The following ASTN2 variants were observed in gnomAD, a reference collection of about 807,000 sequenced individuals.
ASTN2 encodes astrotactin-2.
A neutral mutation model predicts 139.8 loss-of-function variants in ASTN2; 54 were observed. That is an observed-to-expected ratio of 0.39 (90% CI 0.31 to 0.48). The LOEUF is 0.48. Among genes scored for constraint, ASTN2 ranks in the 20% least tolerant of loss-of-function variants. The pLI is 0.95. For synonymous variants in ASTN2, 756 were observed against 719.5 expected (o/e 1.05, Z -0.81); for missense variants, 1,565 against 1,725.1 (o/e 0.91, Z 1.64).
chr9:116,512,409 G>A (rs1850432719), intron 19 of ASTN2, among the ~76,000 whole-genome samples: 1 of 152,162 alleles, frequency 6.6e-6, no homozygotes, highest in Non-Finnish European at 1.5e-5. Context: ...GCTGAGGAAT[G>A]CTTTACTTCC....
At position 117,406,121 on chromosome 9, in the gene ASTN2, G is replaced by A. The variant is rs150791596; in HGVS notation, c.442+8376C>T. ...CTCCTGTACACCTACAATGTGCCAA[G>A]TAAAGGGTGAGTCACCACAGCCCCA... On this transcript the variant is annotated intron_variant, in intron 1 of 22. Coordinates refer to ENST00000313400, the MANE Select transcript of ASTN2 (RefSeq NM_001365068.1). Among the ~76,000 whole-genome samples the A allele has an allele frequency of 3.1e-4, 47 of 152,284 alleles. No homozygotes were observed. The East Asian group carries it at 8.7e-3, about 28-fold the overall frequency.
At chr9:116,553,743 C>G (rs1196383053) in intron 19 of ASTN2, among the ~76,000 whole-genome samples, 2 of 152,150 alleles carry the variant, frequency 1.3e-5, no homozygotes, top group East Asian at 3.9e-4. Flanking sequence ...AGCCACATTG[C>G]CAGTACTCAA....
At chr9:116,967,927 C>A (rs975833793) in intron 10 of ASTN2, among the ~76,000 whole-genome samples, 4 of 152,202 alleles carry the variant, frequency 2.6e-5, no homozygotes, top group African/African-American at 9.7e-5. Context: ...CGCTCTGAAC[C>A]ATGAACTACA....
intron 19 of ASTN2, among the ~76,000 whole-genome samples, chr9:116,600,454 T>C (rs926816509): frequency 2.0e-5 from 3 of 151,856 alleles, no homozygotes; most frequent in African/African-American, 2.4e-5. Context: ...CAGTGAGCAA[T>C]AGAGAAATGT....
At chr9:117,134,596 C>T (rs1284348444) in intron 4 of ASTN2, among the ~76,000 whole-genome samples, 2 of 152,028 alleles carry the variant, frequency 1.3e-5, no homozygotes, top group African/African-American at 2.4e-5. Flanking sequence ...AGCTTCATCC[C>T]TATGTGTATT....
At chr9:116,948,793 T>TTTG (rs1472081852) in intron 10 of ASTN2, among the ~76,000 whole-genome samples, 6 of 117,492 alleles carry the variant, frequency 5.1e-5, no homozygotes, top group Admixed American at 1.7e-4. Context: ...GTGTTTTTTT[T>TTTG]TTTTTTTTTT....
At chr9:116,871,108 A>G (rs1318256292) in intron 10 of ASTN2, among the ~76,000 whole-genome samples, 1 of 152,078 alleles carries the variant, frequency 6.6e-6, no homozygotes, top group East Asian at 1.9e-4. Flanking sequence ...AATACAAAAA[A>G]TTAGCTGGGT....
intron 10 of ASTN2, among the ~76,000 whole-genome samples, chr9:116,947,140 G>C (rs1835422231): frequency 6.6e-6 from 1 of 152,048 alleles, no homozygotes; most frequent in East Asian, 1.9e-4. Flanking sequence ...ACTTGAAAAT[G>C]GTTTTAGAAT....
At chr9:117,218,725 G>T (rs558850520) in intron 2 of ASTN2, among the ~76,000 whole-genome samples, 5 of 152,238 alleles carry the variant, frequency 3.3e-5, no homozygotes, top group Admixed American at 6.5e-5. Flanking sequence ...TCAGTAAATC[G>T]GAGTTGGCCA....
At chr9:117,188,928 T>G (rs2132963363) in intron 3 of ASTN2, among the ~76,000 whole-genome samples, 1 of 152,234 alleles carries the variant, frequency 6.6e-6, no homozygotes, top group South Asian at 2.1e-4. Flanking sequence ...TACATCTACC[T>G]GAGCATCAGT....
intron 1 of ASTN2, among the ~76,000 whole-genome samples, chr9:117,404,248 G>T (rs1384127235): frequency 6.6e-6 from 1 of 152,198 alleles, no homozygotes; most frequent in Non-Finnish European, 1.5e-5. Context: ...GTAAGCAGAG[G>T]CTCAGAGAAG....
intron 19 of ASTN2, chr9:116,612,312 A>C (rs1475030230): frequency 1.2e-4 from 19 of 152,180 alleles, no homozygotes; most frequent in Admixed American, 1.0e-3. Flanking sequence ...AGATAGATCA[A>C]TGAGACAGAA....
chr9:116,465,033 G>A (rs925438104), intron 20 of ASTN2, among the ~76,000 whole-genome samples: 4 of 152,162 alleles, frequency 2.6e-5, no homozygotes, highest in Non-Finnish European at 4.4e-5. Flanking sequence ...ATATGGACCC[G>A]GCTCTGTGCT....
intron 6 of ASTN2, among the ~76,000 whole-genome samples, chr9:117,032,218 A>T (rs891595520): frequency 1.3e-5 from 2 of 152,170 alleles, no homozygotes; most frequent in African/African-American, 4.8e-5. Context: ...AAACTAAGTT[A>T]TGCCTTAGAG....
intron 19 of ASTN2, among the ~76,000 whole-genome samples, chr9:116,606,490 G>T (rs570506304): frequency 5.3e-5 from 8 of 152,168 alleles, no homozygotes; most frequent in African/African-American, 1.9e-4. Context: ...GCACATGCAC[G>T]CATGAGCTCG....
chr9:117,306,610 G>C (rs1266146451), intron 1 of ASTN2, among the ~76,000 whole-genome samples: 2 of 152,144 alleles, frequency 1.3e-5, no homozygotes, highest in Non-Finnish European at 2.9e-5. Flanking sequence ...AAGATGCTTT[G>C]ATCTCACACT....
At chr9:117,255,623 C>T (rs1162150892) in intron 2 of ASTN2, among the ~76,000 whole-genome samples, 1 of 152,132 alleles carries the variant, frequency 6.6e-6, no homozygotes, top group African/African-American at 2.4e-5. Flanking sequence ...GAGTCTTCCC[C>T]CCATCCCTCA....
intron 2 of ASTN2, among the ~76,000 whole-genome samples, chr9:117,282,194 G>A (rs144066160): frequency 3.6e-4 from 54 of 151,742 alleles, no homozygotes; most frequent in East Asian, 3.9e-4. Context: ...ATTTCTCTCC[G>A]TCTCTAGTAA....
chr9:117,253,633 A>G (rs1387656449), intron 2 of ASTN2, among the ~76,000 whole-genome samples: 1 of 152,192 alleles, frequency 6.6e-6, no homozygotes, highest in African/African-American at 2.4e-5. Context: ...TAAAACAAGC[A>G]GGGATTACCT....
Sources: allele counts gnomAD v4.1 joint callset (sites outside exome capture counted in the v4.1 genomes callset), GRCh38; gene constraint gnomAD v4.1.1; transcripts MANE v1.5; gene names NCBI Gene and HGNC (gene_info 2026-07-23, HGNC 2026-07-21).